LIPG: variants seen among roughly 807,000 people sequenced by gnomAD.
LIPG encodes endothelial lipase.
In LIPG, 34 loss-of-function variants were observed where a neutral mutation model predicts 51.8. That is an observed-to-expected ratio of 0.66 (90% CI 0.50 to 0.87). LIPG has a LOEUF of 0.87. Among genes scored for constraint, LIPG ranks in the 40% least tolerant of loss-of-function variants. The pLI is 0.00. For synonymous variants in LIPG, 246 were observed against 246.1 expected (o/e 1.00, Z 0.00); for missense variants, 580 against 652.7 (o/e 0.89, Z 1.21).
chr18:49,575,250 C>G, intron 4 of LIPG, 119 bp from the exon 5 acceptor site: 1 of 727,924 alleles, frequency 1.4e-6, no homozygotes, highest in Admixed American at 2.4e-5. Flanking sequence ...TGTCTTGATT[C>G]TCCCAGCTGG....
intron 5 of LIPG, among the ~76,000 whole-genome samples, chr18:49,581,048 C>G (rs1430042979): frequency 6.6e-6 from 1 of 152,106 alleles, no homozygotes; most frequent in Non-Finnish European, 1.5e-5. Flanking sequence ...TGCTTGAACC[C>G]AGGAGTTCAA....
In LIPG at chr18:49,575,572, G is replaced by A; in HGVS notation, c.775G>A (p.Gly259Arg). The A allele has an allele frequency of 6.2e-7, 1 of 1,614,080 alleles. No individual in the cohort carries two copies. Among genetic ancestry groups the A allele is most frequent in the Non-Finnish European group, 8.5e-7 (1 of 1,179,980 alleles). The part of the protein sequence containing the change: ...QPGCGLNDVL[G>R]SIAYGTITEV... ...AGGCTGTGGACTCAACGATGTCTTGGGATCAATTGCATATGGAAGTGAGTT... is the reference window on the plus strand; with the variant it reads ...AGGCTGTGGACTCAACGATGTCTTGAGATCAATTGCATATGGAAGTGAGTT... Residue 259 changes from glycine (G) to arginine (R), a missense_variant, in exon 5 of 10, where the codon GGA (glycine) becomes AGA (arginine). Physicochemically the swap from Gly to Arg is moderately radical, Grantham distance 125. Transcript: ENST00000261292.
At chr18:49,564,038 C>T (rs1408297218) in intron 1 of LIPG, among the ~76,000 whole-genome samples, 1 of 152,178 alleles carries the variant, frequency 6.6e-6, no homozygotes, top group Non-Finnish European at 1.5e-5. Context: ...TCATTACTTT[C>T]ATGACGGTTA....
At chr18:49,583,009 G>A (rs11873722) in intron 7 of LIPG, among the ~76,000 whole-genome samples, 4,913 of 152,282 alleles carry the variant, frequency 0.032, 241 homozygotes, top group African/African-American at 0.11. Context: ...GTACACGCAC[G>A]TGCACACTTA....
intron 5 of LIPG, among the ~76,000 whole-genome samples, chr18:49,579,306 T>G (rs1361995615): frequency 6.6e-6 from 1 of 150,454 alleles, no homozygotes; most frequent in Admixed American, 6.7e-5. Context: ...TCACTTAAGT[T>G]TTTTCCATTC....
At chr18:49,586,263 G>A (rs960840219) in intron 8 of LIPG, among the ~76,000 whole-genome samples, 5 of 152,284 alleles carry the variant, frequency 3.3e-5, no homozygotes, top group East Asian at 1.9e-4. Flanking sequence ...TCAAGTTTAC[G>A]GAGAAGTCAA....
chr18:49,583,480 C>CCA, intron 7 of LIPG, 76 bp from the exon 8 acceptor site: 2 of 1,190,706 alleles, frequency 1.7e-6, no homozygotes, highest in Non-Finnish European at 2.5e-6. Context: ...GTTGTTACTG[C>CCA]CACTGTGTCA....
rs116186267 is a variant in LIPG, at chr18:49,590,951, G to C, written c.*429G>C. 1.2e-3 allele frequency: 355 copies of C among 293,216 alleles called. No individual in the cohort carries two copies. The highest frequency in any genetic ancestry group is 8.5e-3 in the Middle Eastern group (7 of 828). The allele number at this position is 293,216 out of a possible 1,614,324, so 18.2% of individuals were successfully genotyped here. ...TTGAGCCTCAGTGAGAAGTCCTTCC[G>C]ACAGGAGCTGACTCATGTCAGGATG... On this transcript the variant is annotated 3_prime_UTR_variant, in exon 10 of 10. Transcript: ENST00000261292.
Position 49,590,936 on chromosome 18 carries a change from G to A in LIPG, c.*414G>A. 1 of 302,222 alleles carries A rather than the reference G, an allele frequency of 3.3e-6. No homozygotes were observed. Among genetic ancestry groups the A allele is most frequent in the South Asian group, 3.5e-5 (1 of 28,766 alleles). 18.7% of individuals were successfully genotyped at this position (302,222 alleles called of 1,614,324 possible). On this transcript the variant is annotated 3_prime_UTR_variant, in exon 10 of 10. Transcript: ENST00000261292. ...GCTGCTCAGCCTGCTTTGAGCCTCA[G>A]TGAGAAGTCCTTCCGACAGGAGCTG...
chr18:49,579,006 G>A (rs1289311944), intron 5 of LIPG, among the ~76,000 whole-genome samples: 1 of 138 alleles, frequency 7.2e-3, no homozygotes, highest in East Asian at 0.5. Flanking sequence ...ACCGTGGGGA[G>A]AGGGAGAGGG....
At chr18:49,568,957 G>T (rs1041666199) in intron 3 of LIPG, among the ~76,000 whole-genome samples, 8 of 152,134 alleles carry the variant, frequency 5.3e-5, no homozygotes, top group African/African-American at 1.9e-4. Flanking sequence ...GGGACAATGC[G>T]TCAAGTCTGG....
chr18:49,597,812 A>G lies in LIPG; in HGVS notation c.*7290A>G, dbSNP rs1206513170. 1 of 152,288 alleles carries G rather than the reference A, an allele frequency of 6.6e-6. No individual in the cohort carries two copies. Among genetic ancestry groups the G allele is most frequent in the Non-Finnish European group, 1.5e-5 (1 of 68,084 alleles). 9.4% of individuals were successfully genotyped at this position (152,288 alleles called of 1,614,324 possible). ...AATTGCTCATGGCCAGAGGCAATGG[A>G]CAGATGCCATATGAGAAAGGGCTGA... On this transcript the variant is annotated 3_prime_UTR_variant, in exon 10 of 10. Coordinates refer to ENST00000261292, the MANE Select transcript of LIPG (RefSeq NM_006033.4).
At chr18:49,587,951 G>A (rs533353513) in intron 9 of LIPG, among the ~76,000 whole-genome samples, 1 of 152,226 alleles carries the variant, frequency 6.6e-6, no homozygotes, top group Admixed American at 6.5e-5. Context: ...ACCACGCTGA[G>A]CTAATTTGTG....
chr18:49,562,539 A>G (rs968817232), intron 1 of LIPG, 134 bp downstream of exon 1: 22 of 821,776 alleles, frequency 2.7e-5, no homozygotes, highest in East Asian at 5.3e-5. Flanking sequence ...CTCTCCTCCA[A>G]TCCACCTTGG....
chr18:49,593,037 C>T lies in LIPG; in HGVS notation c.*2515C>T, dbSNP rs1334875470. On this transcript the variant is annotated 3_prime_UTR_variant, in exon 10 of 10. Coordinates refer to ENST00000261292, the MANE Select transcript of LIPG (RefSeq NM_006033.4). The stretch of plus-strand genomic sequence containing the variant: ...CCTCTGCCTCCTGGGCTCAGGTGGT[C>T]CTCCCACCTCAGCCTTCTGAGTAGC... The T allele has an allele frequency of 4.7e-5, 7 of 148,424 alleles. No individual in the cohort carries two copies. In the East Asian group the frequency reaches 1.5e-3, roughly 31 times the overall value. 9.2% of individuals were successfully genotyped at this position (148,424 alleles called of 1,614,324 possible).
intron 3 of LIPG, among the ~76,000 whole-genome samples, chr18:49,567,978 C>A (rs2084624806): frequency 6.6e-6 from 1 of 151,818 alleles, no homozygotes; most frequent in Non-Finnish European, 1.5e-5. Context: ...GCTCTTGTCT[C>A]TGAAGCATGG....
chr18:49,585,294 C>T (rs370122862), intron 8 of LIPG, among the ~76,000 whole-genome samples: 1 of 152,098 alleles, frequency 6.6e-6, no homozygotes, highest in East Asian at 1.9e-4. Flanking sequence ...GACTCCTGAT[C>T]TCAGGTGATC....
rs2084979946 is a variant in LIPG, at chr18:49,595,896, A to G, written c.*5374A>G. The G allele has an allele frequency of 6.6e-6, 1 of 152,202 alleles. No homozygotes were observed. The highest frequency in any genetic ancestry group is 1.5e-5 in the Non-Finnish European group (1 of 68,032). The allele number at this position is 152,202 out of a possible 1,614,324, so 9.4% of individuals were successfully genotyped here. ...CATATATGCGGAAATTTTATGTATGATAAAAGGGGCCTATTAGTCTTTGGG... is the reference window on the plus strand; with the variant it reads ...CATATATGCGGAAATTTTATGTATGGTAAAAGGGGCCTATTAGTCTTTGGG... On this transcript the variant is annotated 3_prime_UTR_variant, in exon 10 of 10. Coordinates refer to ENST00000261292, the MANE Select transcript of LIPG (RefSeq NM_006033.4).
intron 7 of LIPG, 130 bp downstream of exon 7, chr18:49,582,612 C>A: frequency 8.1e-7 from 1 of 1,238,364 alleles, no homozygotes; most frequent in Non-Finnish European, 1.2e-6. Context: ...AGGGAGGAGC[C>A]AGGTGGTCTA....
Sources: gnomAD v4.1 joint callset for allele counts (sites outside exome capture counted in the v4.1 genomes callset) on GRCh38, gnomAD v4.1.1 for gene constraint, MANE v1.5 for transcripts, NCBI Gene and HGNC (gene_info 2026-07-23, HGNC 2026-07-21) for gene names.